The following SLC12A2 variants were observed in gnomAD, a reference collection of about 807,000 sequenced individuals.
The protein encoded by SLC12A2 is solute carrier family 12 member 2, also known as Na-K-2Cl cotransporter 1.
SLC12A2 carries 67 observed loss-of-function variants against 136.3 expected under a neutral mutation model. That is an observed-to-expected ratio of 0.49 (90% CI 0.40 to 0.60). The LOEUF is 0.60. SLC12A2 is among the 20% of genes least tolerant of loss of function. The pLI is 0.00. For missense variants in SLC12A2, 1,322 were observed against 1,534.7 expected (o/e 0.86, Z 2.32); for synonymous variants, 619 against 562.9 (o/e 1.10, Z -1.41).
At chr5:128,136,751 C>T (rs1581100874) in intron 7 of SLC12A2, among the ~76,000 whole-genome samples, 1 of 152,086 alleles carries the variant, frequency 6.6e-6, no homozygotes, top group African/African-American at 2.4e-5. Flanking sequence ...AATTTTACAA[C>T]TATTATAGTG....
Position 128,161,779 on chromosome 5 carries a change from A to C in SLC12A2, c.2595A>C (p.Glu865Asp). ...CAGTACATGCAGATGACTTGAGAGA[A>C]GGTGCACAGTATTTGATGCAGGTAA... ...YAPVHADDLR[E>D]GAQYLMQAAG... Residue 865 changes from glutamate to aspartate, a missense_variant, in exon 17 of 27, where the codon GAA becomes GAC. Glu to Asp is a conservative substitution (Grantham distance 45). Around this residue, in one of 8 missense-constraint regions of SLC12A2, gnomAD observed 226 missense variants for 210.4 expected, o/e 1.07. Coordinates refer to ENST00000262461, the MANE Select transcript of SLC12A2 (RefSeq NM_001046.3). The C allele has an allele frequency of 6.7e-7, 1 of 1,487,560 alleles. No homozygotes were observed. Among genetic ancestry groups the C allele is most frequent in the Non-Finnish European group, 8.9e-7 (1 of 1,121,500 alleles). The allele number at this position is 1,487,560 out of a possible 1,614,324, so 92.1% of individuals were successfully genotyped here. A position where few individuals can be genotyped will look rare whatever the true frequency, so the allele number is the denominator to read the frequency against.
At chr5:128,110,196 G>A in intron 1 of SLC12A2, 1 of 810,710 alleles carries the variant, frequency 1.2e-6, no homozygotes, top group Non-Finnish European at 2.2e-6. Flanking sequence ...TAATTTGGCA[G>A]ACTGGCCTTT....
At position 128,138,867 on chromosome 5, in the gene SLC12A2, T is replaced by C. The variant is rs1441549741; in HGVS notation, c.1580T>C (p.Leu527Ser). 2 of 1,613,354 alleles carry C rather than the reference T, an allele frequency of 1.2e-6. No individual in the cohort carries two copies. The highest frequency in any genetic ancestry group is 1.7e-6 in the Non-Finnish European group (2 of 1,179,504). ...AIPKGTLLAI[L>S]ITTLVYVGIA... ...CCCAAAGGAACACTCCTAGCCATTT[T>C]AATTACTACATTGGTTTACGTAGGA... Residue 527 changes from leucine to serine, a missense_variant, in exon 9 of 27, where the codon TTA becomes TCA. Leu to Ser is a moderately radical substitution (Grantham distance 145). Coordinates refer to ENST00000262461, the MANE Select transcript of SLC12A2 (RefSeq NM_001046.3).
At chr5:128,158,839 TTCTC>T (rs1762944285) in intron 16 of SLC12A2, among the ~76,000 whole-genome samples, 1 of 151,486 alleles carries the variant, frequency 6.6e-6, no homozygotes, top group Non-Finnish European at 1.5e-5. Flanking sequence ...GTGTTTTCTT[TTCTC>T]TGCAACCTCA....
chr5:128,137,028 C>T (rs577358971), intron 7 of SLC12A2, among the ~76,000 whole-genome samples: 43 of 152,258 alleles, frequency 2.8e-4, no homozygotes, highest in African/African-American at 9.9e-4. Context: ...TGTATTTATT[C>T]TCCCATCTCT....
intron 15 of SLC12A2, among the ~76,000 whole-genome samples, chr5:128,154,699 C>G (rs1279226218): frequency 6.6e-6 from 1 of 152,148 alleles, no homozygotes; most frequent in Non-Finnish European, 1.5e-5. Context: ...ATTTGATTGT[C>G]ATGAGTCAGA....
chr5:128,116,247 G>A lies in SLC12A2; in HGVS notation c.1048+1566G>A, dbSNP rs189694446. Among the ~76,000 whole-genome samples, 34 of 152,184 alleles carry A rather than the reference G, an allele frequency of 2.2e-4. No homozygotes were observed. The South Asian group carries it at 5.4e-3, about 24-fold the overall frequency. On this transcript the variant is annotated intron_variant, in intron 4 of 26. Transcript: ENST00000262461. ...AAAGGAATGGGGCATGAAGCCACTG[G>A]CAACATTAACTTCATGCTTTTCCCC...
At chr5:128,099,853 A>G (rs542204404) in intron 1 of SLC12A2, among the ~76,000 whole-genome samples, 6 of 152,254 alleles carry the variant, frequency 3.9e-5, no homozygotes, top group Admixed American at 1.3e-4. Flanking sequence ...GTCATTTCCT[A>G]TAATAACAGT....
At chr5:128,116,767 C>CTGGATG (rs1460760851) in intron 4 of SLC12A2, among the ~76,000 whole-genome samples, 1 of 152,148 alleles carries the variant, frequency 6.6e-6, no homozygotes, top group African/African-American at 2.4e-5. Context: ...CTTTGGACAG[C>CTGGATG]TGGATGGTCT....
chr5:128,158,264 T>C, intron 16 of SLC12A2, 100 bp downstream of exon 16: 1 of 829,702 alleles, frequency 1.2e-6, no homozygotes. Context: ...AAATTGTGTG[T>C]CACAGGGGTT....
chr5:128,110,565 C>T (rs1332977784), intron 1 of SLC12A2: 2 of 1,209,546 alleles, frequency 1.7e-6, no homozygotes, highest in Admixed American at 3.4e-5. Flanking sequence ...TTGATTTCTT[C>T]AAGCATAAGT....
intron 10 of SLC12A2, among the ~76,000 whole-genome samples, chr5:128,143,187 G>A (rs1407065262): frequency 6.6e-6 from 1 of 152,076 alleles, no homozygotes; most frequent in African/African-American, 2.4e-5. Context: ...TTACGAGTAA[G>A]TATTTTTATT....
At chr5:128,109,889 T>A in intron 1 of SLC12A2, 1 of 792,610 alleles carries the variant, frequency 1.3e-6, no homozygotes, top group East Asian at 2.4e-5. Context: ...CCATGAGAAT[T>A]GTGACTGGCC....
At chr5:128,143,712 G>T (rs1033464226) in intron 10 of SLC12A2, among the ~76,000 whole-genome samples, 3 of 151,830 alleles carry the variant, frequency 2.0e-5, no homozygotes, top group Admixed American at 2.0e-4. Context: ...AATTTATAGA[G>T]TACATGGTTC....
Position 128,186,723 on chromosome 5 carries a change from C to T in SLC12A2, c.*92C>T, listed in dbSNP as rs926458810. The T allele has an allele frequency of 8.9e-5, 113 of 1,268,654 alleles. No homozygotes were observed. In the Middle Eastern group the frequency reaches 1.4e-3, roughly 15 times the overall value. 78.6% of individuals were successfully genotyped at this position (1,268,654 alleles called of 1,614,324 possible). A position where few individuals can be genotyped will look rare whatever the true frequency, so the allele number is the denominator to read the frequency against. ...CAATGACACATTAACATCACAATGGCGAATGGTGACTTTTCTTTCACGATT... is the reference window on the plus strand; with the variant it reads ...CAATGACACATTAACATCACAATGGTGAATGGTGACTTTTCTTTCACGATT... On this transcript the variant is annotated 3_prime_UTR_variant, in exon 27 of 27. Coordinates refer to ENST00000262461, the MANE Select transcript of SLC12A2 (RefSeq NM_001046.3).
intron 1 of SLC12A2, among the ~76,000 whole-genome samples, chr5:128,096,080 A>C (rs1052303753): frequency 5.3e-5 from 8 of 152,130 alleles, no homozygotes; most frequent in African/African-American, 1.9e-4. Flanking sequence ...TGGGCACAAC[A>C]ACCTTGCAAG....
chr5:128,151,785 A>G (rs755971313), intron 14 of SLC12A2, among the ~76,000 whole-genome samples: 3 of 152,176 alleles, frequency 2.0e-5, no homozygotes, highest in Non-Finnish European at 4.4e-5. Context: ...CTATTTATAC[A>G]TATAACCTAC....
rs963128011 is a variant in SLC12A2 at position 128,091,587 on chromosome 5, C to T, written c.756+6877C>T. 9.9e-5 allele frequency among the ~76,000 whole-genome samples: 15 copies of T among 152,160 alleles called. 1 individual carries two copies. Among genetic ancestry groups the T allele is most frequent in the African/African-American group, 2.7e-4 (11 of 41,422 alleles). ...CTGAAGTTAAAAACATTAGTGGTGT[C>T]TCATTTAAACCATGAAAGCTACTAT... On this transcript the variant is annotated intron_variant, in intron 1 of 26. Coordinates refer to ENST00000262461, the MANE Select transcript of SLC12A2 (RefSeq NM_001046.3).
Position 128,147,645 on chromosome 5 carries a change from T to G in SLC12A2, c.1797T>G (p.Phe599Leu). The change falls in exon 11 of 27, where the codon TTT becomes TTG. Residue 599 changes from phenylalanine to leucine, a missense_variant. Coordinates refer to ENST00000262461, the MANE Select transcript of SLC12A2 (RefSeq NM_001046.3). The stretch of plus-strand genomic sequence containing the variant: ...AGGTAATGAGTATGGTGTCAGGATT[T>G]ACACCACTAATTTCTGCAGGTATAT... Reference protein sequence around the residue: ...NFQVMSMVSGFTPLISAGIFS... With the variant: ...NFQVMSMVSGLTPLISAGIFS... 6.2e-7 allele frequency: 1 copy of G among 1,607,170 alleles called. No homozygotes were observed. The highest frequency in any genetic ancestry group is 8.5e-7 in the Non-Finnish European group (1 of 1,174,456).
Sources: gnomAD v4.1 joint callset for allele counts (sites outside exome capture counted in the v4.1 genomes callset) on GRCh38, gnomAD v4.1.1 for gene constraint, gnomAD v4.1.1 regional missense constraint, MANE v1.5 for transcripts, NCBI Gene and HGNC (gene_info 2026-07-23, HGNC 2026-07-21) for gene names.